Variants in ZMYM4 observed in about 807,000 individuals in gnomAD.
ZMYM4 encodes zinc finger MYM-type protein 4.
Under a neutral mutation model 183.2 loss-of-function variants are expected in ZMYM4, and 31 were observed. The observed-to-expected ratio is 0.17, with a 90% CI of 0.13 to 0.23. The LOEUF (loss-of-function observed/expected upper bound fraction) is 0.23, where lower values mean the gene tolerates loss of function less well. Ranked by LOEUF, ZMYM4 falls within the 10% of genes least tolerant of loss-of-function variation. The probability of loss-of-function intolerance (pLI) is 1.00; values close to 1 mark genes in which losing one functional copy is unlikely to be tolerated. For synonymous variants in ZMYM4, 592 were observed against 631.2 expected (o/e 0.94, Z 0.93); for missense variants, 1,273 against 1,840.3 (o/e 0.69, Z 5.64).
intron 18 of ZMYM4, among the ~76,000 whole-genome samples, chr1:35,394,846 G>T (rs1644778577): frequency 6.6e-6 from 1 of 151,924 alleles, no homozygotes; most frequent in Non-Finnish European, 1.5e-5. Flanking sequence ...GATTGCAGTG[G>T]CTCACACCTG....
At chr1:35,369,522 A>G (rs1254230612) in intron 5 of ZMYM4, among the ~76,000 whole-genome samples, 2 of 152,166 alleles carry the variant, frequency 1.3e-5, no homozygotes, top group Non-Finnish European at 2.9e-5. Flanking sequence ...CAAATGAGCA[A>G]AAAATCAGTT....
At chr1:35,390,502 A>G (rs1644681636) in intron 15 of ZMYM4, among the ~76,000 whole-genome samples, 1 of 152,130 alleles carries the variant, frequency 6.6e-6, no homozygotes, top group East Asian at 1.9e-4. Context: ...TGAGCCAGGA[A>G]AAGGAATTTC....
chr1:35,278,682 A>G (rs1053329864), intron 1 of ZMYM4, among the ~76,000 whole-genome samples: 3 of 152,132 alleles, frequency 2.0e-5, no homozygotes, highest in Non-Finnish European at 2.9e-5. Context: ...CGGCCTCCCA[A>G]AGTGCTGGGA....
chr1:35,371,906 A>G (rs1371447902), intron 7 of ZMYM4, among the ~76,000 whole-genome samples: 1 of 152,212 alleles, frequency 6.6e-6, no homozygotes, highest in African/African-American at 2.4e-5. Context: ...TATATATACA[A>G]ATGTAGATTA....
intron 1 of ZMYM4, among the ~76,000 whole-genome samples, chr1:35,317,378 A>G (rs1259821911): frequency 1.3e-5 from 2 of 152,180 alleles, no homozygotes; most frequent in Non-Finnish European, 1.5e-5. Context: ...GGCTGCAGTA[A>G]GCTGAGATTG....
At chr1:35,309,766 A>G (rs1641706896) in intron 1 of ZMYM4, among the ~76,000 whole-genome samples, 3 of 151,970 alleles carry the variant, frequency 2.0e-5, no homozygotes, top group African/African-American at 7.3e-5. Flanking sequence ...CCTGGCCGAC[A>G]GAGTAAGACT....
intron 23 of ZMYM4, chr1:35,404,804 G>A (rs1463302363): frequency 2.4e-6 from 1 of 411,550 alleles, no homozygotes; most frequent in Admixed American, 4.1e-5. Context: ...TTATTACAGT[G>A]TGCTCTTCTG....
rs569707115 is a variant in ZMYM4 at position 35,305,709 on chromosome 1, G to A, written c.40-19651G>A. On this transcript the variant is annotated intron_variant, in intron 1 of 29. Coordinates refer to ENST00000314607, the MANE Select transcript of ZMYM4 (RefSeq NM_005095.3). ...CAGGTACACACCACTGTGCCTAGCT[G>A]AGTTTTCTTATTTTTTGTGGAGATG... 2.0e-5 allele frequency among the ~76,000 whole-genome samples: 3 copies of A among 151,806 alleles called. No individual in the cohort carries two copies. In the South Asian group the frequency reaches 6.2e-4, roughly 32 times the overall value.
At chr1:35,287,759 C>A (rs1570258289) in intron 1 of ZMYM4, among the ~76,000 whole-genome samples, 1 of 152,076 alleles carries the variant, frequency 6.6e-6, no homozygotes, top group African/African-American at 2.4e-5. Flanking sequence ...GCATGCGCCA[C>A]CATGCCTGGC....
intron 7 of ZMYM4, among the ~76,000 whole-genome samples, chr1:35,375,309 TAC>T (rs1432687741): frequency 6.6e-6 from 1 of 152,218 alleles, no homozygotes; most frequent in Non-Finnish European, 1.5e-5. Flanking sequence ...CCCTCTTATT[TAC>T]ACGGTGATTA....
At chr1:35,324,896 G>C (rs879632161) in intron 1 of ZMYM4, among the ~76,000 whole-genome samples, 1 of 152,126 alleles carries the variant, frequency 6.6e-6, no homozygotes, top group Non-Finnish European at 1.5e-5. Context: ...AACGTACTCA[G>C]TAGGAACCAT....
Position 35,388,993 on chromosome 1 carries a change from C to T in ZMYM4, c.2347C>T (p.Pro783Ser). The change falls in exon 14 of 30, where the codon CCC (proline) becomes TCC (serine). Residue 783 changes from proline (P) to serine (S), a missense_variant. Physicochemically the swap from Pro to Ser is moderately conservative, Grantham distance 74. Transcript: ENST00000314607. ...KMCSYCLQTS[P>S]KLVQNNLGGK... ...GTGCAGTTATTGTTTACAGACATCTCCCAAATTGGTACAGAATAATTTAGG... is the reference window on the plus strand; with the variant it reads ...GTGCAGTTATTGTTTACAGACATCTTCCAAATTGGTACAGAATAATTTAGG... The T allele has an allele frequency of 6.2e-7, 1 of 1,614,120 alleles. No individual in the cohort carries two copies. The highest frequency in any genetic ancestry group is 8.5e-7 in the Non-Finnish European group (1 of 1,179,996).
At chr1:35,386,900 G>A in intron 11 of ZMYM4, 103 bp from the exon 12 acceptor site, 1 of 1,298,874 alleles carries the variant, frequency 7.7e-7, no homozygotes, top group Admixed American at 2.2e-5. Flanking sequence ...GTTAACAGAT[G>A]TACCTTACAT....
At chr1:35,350,762 A>G (rs952630334) in intron 2 of ZMYM4, 63 of 467,718 alleles carry the variant, frequency 1.3e-4, no homozygotes, top group South Asian at 1.3e-3. Context: ...GCCTGCTTTA[A>G]GAGATACCAA....
At chr1:35,358,819 G>C in intron 2 of ZMYM4, 106 bp from the exon 3 acceptor site, 1 of 915,648 alleles carries the variant, frequency 1.1e-6, no homozygotes, top group Non-Finnish European at 1.6e-6. Context: ...GGTAATATCT[G>C]TATTTTGTTT....
In ZMYM4 at chr1:35,419,630, C is replaced by T; in HGVS notation, c.4600C>T (p.Leu1534Phe). 6.2e-7 allele frequency: 1 copy of T among 1,614,168 alleles called. No individual in the cohort carries two copies. The highest frequency in any genetic ancestry group is 8.5e-7 in the Non-Finnish European group (1 of 1,180,024). The change falls in exon 30 of 30, where the codon CTT becomes TTT. Residue 1534 changes from leucine to phenylalanine, a missense_variant. Physicochemically the swap from Leu to Phe is conservative, Grantham distance 22. Transcript: ENST00000314607. ...CATGGTGAGGGAGGTACATGAAGAA[C>T]TTGCCAAAGCCAAATCTGAAGACTC... is the stretch of plus-strand genomic sequence containing the variant. Reference protein sequence around the residue: ...ILMVREVHEELAKAKSEDSDV... With the variant: ...ILMVREVHEEFAKAKSEDSDV...
Position 35,411,893 on chromosome 1 carries a change from G to GT in ZMYM4, c.3949-2072dup, listed in dbSNP as rs925417895. Among the ~76,000 whole-genome samples the GT allele has an allele frequency of 2.6e-5, 4 of 151,936 alleles. No individual in the cohort carries two copies. In the South Asian group the frequency reaches 6.3e-4, roughly 24 times the overall value. Reference sequence around the variant, plus strand: ...ACATGGGACTTTTGTTTGTTTGTTTGTTTTTTTGAGACGGAGTCTCACTCT... The same window carrying GT: ...ACATGGGACTTTTGTTTGTTTGTTTGTTTTTTTTGAGACGGAGTCTCACTCT... On this transcript the variant is annotated intron_variant, in intron 26 of 29. Transcript: ENST00000314607.
intron 2 of ZMYM4, among the ~76,000 whole-genome samples, chr1:35,330,286 A>G (rs143111140): frequency 5.9e-5 from 9 of 152,206 alleles, no homozygotes; most frequent in Non-Finnish European, 8.8e-5. Flanking sequence ...AGGAAAGAAA[A>G]GGAGTTTATT....
At chr1:35,357,307 A>G (rs1570428918) in intron 2 of ZMYM4, among the ~76,000 whole-genome samples, 1 of 152,352 alleles carries the variant, frequency 6.6e-6, no homozygotes, top group Non-Finnish European at 1.5e-5. Context: ...GGGTTGAAGA[A>G]CCAGCCACAT....
Sources: allele counts gnomAD v4.1 joint callset (sites outside exome capture counted in the v4.1 genomes callset), GRCh38; gene constraint gnomAD v4.1.1; transcripts MANE v1.5; gene names NCBI Gene and HGNC (gene_info 2026-07-23, HGNC 2026-07-21).